Variants in DDB1 observed in about 807,000 individuals in gnomAD.
DDB1 encodes the protein DNA damage-binding protein 1.
A neutral mutation model predicts 133.1 loss-of-function variants in DDB1; 18 were observed. The observed-to-expected ratio is 0.14, with a 90% CI of 0.09 to 0.20. DDB1 has a LOEUF of 0.20. Ranked by LOEUF, DDB1 falls within the 10% of genes least tolerant of loss-of-function variation. The probability of loss-of-function intolerance (pLI) is 1.00; values close to 1 mark genes in which losing one functional copy is unlikely to be tolerated. For synonymous variants in DDB1, 580 were observed against 550.5 expected, an observed-to-expected ratio of 1.05 and a Z score of -0.75; for missense variants, 828 against 1,459.2, an observed-to-expected ratio of 0.57 and a Z score of 7.05.
At chr11:61,300,763 C>T (rs1442225835) in intron 26 of DDB1, 46 bp downstream of exon 26, 2 of 1,609,656 alleles carry the variant, frequency 1.2e-6, no homozygotes, top group Admixed American at 1.7e-5. Flanking sequence ...ATGCCCCAAC[C>T]TGCAGTGGAC....
intron 21 of DDB1, among the ~76,000 whole-genome samples, chr11:61,304,361 T>C (rs536616523): frequency 1.3e-5 from 2 of 149,992 alleles, no homozygotes; most frequent in East Asian, 3.9e-4. Flanking sequence ...ACTCAGGAGG[T>C]TGTGGCACAA....
intron 4 of DDB1, among the ~76,000 whole-genome samples, chr11:61,328,916 T>C (rs901185942): frequency 6.6e-6 from 1 of 152,142 alleles, no homozygotes; most frequent in African/African-American, 2.4e-5. Flanking sequence ...AAGTCACCAG[T>C]AAGTGATTAC....
intron 10 of DDB1, among the ~76,000 whole-genome samples, chr11:61,316,951 AT>A: frequency 2.6e-4 from 2 of 7,568 alleles, no homozygotes; most frequent in Non-Finnish European, 4.8e-4. Flanking sequence ...GGATAGATAT[AT>A]ATATATATAT....
chr11:61,306,219 G>T (rs149337064), intron 21 of DDB1, among the ~76,000 whole-genome samples: 1,952 of 152,248 alleles, frequency 0.013, 25 homozygotes, highest in Non-Finnish European at 0.019. Flanking sequence ...ACTTCTCTGG[G>T]CAAACCCTTC....
intron 9 of DDB1, 43 bp downstream of exon 9, chr11:61,322,253 G>C: frequency 1.4e-6 from 2 of 1,460,722 alleles, no homozygotes; most frequent in Non-Finnish European, 1.9e-6. Context: ...GACACAGTTT[G>C]AGTGGGCATA....
intron 8 of DDB1, chr11:61,322,734 T>A (rs1046931510): frequency 4.1e-5 from 22 of 543,208 alleles, no homozygotes; most frequent in African/African-American, 5.6e-5. Flanking sequence ...CTAGAAGAAG[T>A]CCATTACATT....
At position 61,322,337 on chromosome 11, in the gene DDB1, C is replaced by T. The variant is rs1327459621; in HGVS notation, c.1081G>A (p.Asp361Asn). ...CTCTCCAGGTCCACCACGCACATAT[C>T]GACAATGGGTCCTAAGTTGGTAAAG... ...ETFTNLGPIV[D>N]MCVVDLERQG... is the part of the protein sequence containing the mutation. The change falls in exon 9 of 27, where the codon GAT (aspartate) becomes AAT (asparagine). Residue 361 changes from aspartate to asparagine, a missense_variant. By Grantham distance (23) the Asp-to-Asn change is conservative (BLOSUM62 1). This residue lies in a region of DDB1 where 35 missense variants were observed against 123.3 expected (regional missense o/e 0.28). Coordinates refer to ENST00000301764, the MANE Select transcript of DDB1 (RefSeq NM_001923.5). 1.9e-6 allele frequency: 3 copies of T among 1,614,050 alleles called. No homozygotes were observed. Among genetic ancestry groups the T allele is most frequent in the Non-Finnish European group, 2.5e-6 (3 of 1,180,042 alleles).
chr11:61,326,740 G>C, intron 5 of DDB1, 39 bp downstream of exon 5: 1 of 1,534,472 alleles, frequency 6.5e-7, no homozygotes, highest in Non-Finnish European at 9.0e-7. Flanking sequence ...AACTAGCCTA[G>C]ACCCAGGTGG....
rs760408266 is a variant in DDB1 at position 61,302,750 on chromosome 11, C to T, written c.2944G>A (p.Ala982Thr). 3 of 1,614,140 alleles carry T rather than the reference C, an allele frequency of 1.9e-6. No individual in the cohort carries two copies. The highest frequency in any genetic ancestry group is 2.5e-6 in the Non-Finnish European group (3 of 1,179,998). Residue 982 changes from alanine (A) to threonine (T), a missense_variant and splice_region_variant, in exon 24 of 27, where the codon GCT becomes ACT. Physicochemically the swap from Ala to Thr is moderately conservative, Grantham distance 58. This residue lies in a region of DDB1 where 116 missense variants were observed against 221.6 expected (regional missense o/e 0.52). Coordinates refer to ENST00000301764, the MANE Select transcript of DDB1 (RefSeq NM_001923.5). ...FNLFVCQKDS[A>T]ATTDEERQHL... ...TGCCGCTCCTCGTCAGTGGTGGCAG[C>T]GCTGAAAGGCGGTAAGAAAGTCACT... is the stretch of plus-strand genomic sequence containing the variant.
Position 61,300,163 on chromosome 11 carries a change from A to G in DDB1, c.3396T>C (p.Val1132=), listed in dbSNP as rs1178764742. 7.4e-6 allele frequency: 12 copies of G among 1,614,180 alleles called. No homozygotes were observed. Among genetic ancestry groups the G allele is most frequent in the Non-Finnish European group, 1.0e-5 (12 of 1,180,032 alleles). ...AATGGATCCGAGTTAGCTCCTCCACAACCTTGATGAGGTCGTCTGCAGTGG... is the reference window on the plus strand; with the variant it reads ...AATGGATCCGAGTTAGCTCCTCCACGACCTTGATGAGGTCGTCTGCAGTGG... The part of the protein sequence containing the change: ...REATADDLIK[V]VEELTRIH Residue 1132 remains valine, a synonymous_variant, in exon 27 of 27, where the codon GTT becomes GTC. Transcript: ENST00000301764.
intron 19 of DDB1, 61 bp downstream of exon 19, chr11:61,310,234 C>T (rs1487042281): frequency 1.9e-6 from 3 of 1,570,872 alleles, no homozygotes; most frequent in Admixed American, 1.8e-5. Flanking sequence ...GGTACCAGAG[C>T]CCAGAACAGC....
chr11:61,321,731 C>G (rs748554975), intron 9 of DDB1, 34 bp from the exon 10 acceptor site: 2 of 1,581,892 alleles, frequency 1.3e-6, no homozygotes, highest in African/African-American at 1.3e-5. Flanking sequence ...AAAGAACCCC[C>G]TCAAGATACT....
chr11:61,309,674 CTT>C (rs1314158733), intron 20 of DDB1, 120 bp downstream of exon 20: 1 of 1,007,930 alleles, frequency 9.9e-7, no homozygotes, highest in African/African-American at 1.6e-5. Flanking sequence ...GAGAATAGCT[CTT>C]TACAGCAATG....
chr11:61,325,586 GA>G (rs751859349), intron 6 of DDB1, 24 bp downstream of exon 6: 19 of 1,594,792 alleles, frequency 1.2e-5, no homozygotes, highest in East Asian at 6.7e-5. Context: ...AAGATGAAAG[GA>G]AAAAAAGGTA....
intron 21 of DDB1, among the ~76,000 whole-genome samples, chr11:61,307,701 C>G (rs999021581): frequency 2.0e-5 from 3 of 152,206 alleles, no homozygotes; most frequent in African/African-American, 7.2e-5. Context: ...TCATTGTTAT[C>G]TAGTGAACAT....
intron 10 of DDB1, among the ~76,000 whole-genome samples, chr11:61,319,455 T>C (rs1198948496): frequency 2.0e-5 from 3 of 151,878 alleles, no homozygotes; most frequent in African/African-American, 7.3e-5. Flanking sequence ...TTTTTTGAGA[T>C]GGAGTCTTGC....
At chr11:61,331,181 T>C (rs1856359624) in intron 2 of DDB1, among the ~76,000 whole-genome samples, 2 of 152,320 alleles carry the variant, frequency 1.3e-5, no homozygotes, top group Middle Eastern at 3.4e-3. Flanking sequence ...ACTTCATAAA[T>C]GTTTCCCTAA....
chr11:61,303,455 G>A (rs747193659), intron 22 of DDB1: 89 of 321,216 alleles, frequency 2.8e-4, no homozygotes, highest in Admixed American at 1.4e-3. Flanking sequence ...TTGGGAGGCC[G>A]TGGCGGGCCG....
chr11:61,316,923 A>G (rs1856078930), intron 10 of DDB1, among the ~76,000 whole-genome samples: 1 of 104,482 alleles, frequency 9.6e-6, no homozygotes, highest in Admixed American at 1.1e-4. Flanking sequence ...CTGTCTCAAA[A>G]AAAAAAAAAA....
Sources: gnomAD v4.1 joint callset for allele counts (sites outside exome capture counted in the v4.1 genomes callset) on GRCh38, gnomAD v4.1.1 for gene constraint, gnomAD v4.1.1 regional missense constraint, MANE v1.5 for transcripts, NCBI Gene and HGNC (gene_info 2026-07-23, HGNC 2026-07-21) for gene names.